ADAMTS3: variants seen among roughly 807,000 people sequenced by gnomAD.
ADAMTS3 encodes A disintegrin and metalloproteinase with thrombospondin motifs 3.
Under a neutral mutation model 129.0 loss-of-function variants are expected in ADAMTS3, and 73 were observed. The observed-to-expected ratio is 0.57, with a 90% CI of 0.47 to 0.69. The LOEUF (loss-of-function observed/expected upper bound fraction) is 0.69. ADAMTS3 is among the 30% of genes least tolerant of loss of function. ADAMTS3 has a pLI of 0.00. For missense variants in ADAMTS3, 1,457 were observed against 1,514.5 expected, an observed-to-expected ratio of 0.96 and a Z score of 0.63; for synonymous variants, 477 against 510.8, an observed-to-expected ratio of 0.93 and a Z score of 0.89.
At chr4:72,402,114 T>C (rs1375759331) in intron 4 of ADAMTS3, among the ~76,000 whole-genome samples, 1 of 152,182 alleles carries the variant, frequency 6.6e-6, no homozygotes, top group East Asian at 1.9e-4. Context: ...ATTAGTTAGT[T>C]CTCTAAACTT....
intron 3 of ADAMTS3, among the ~76,000 whole-genome samples, chr4:72,514,420 A>G (rs1720398808): frequency 6.6e-6 from 1 of 152,154 alleles, no homozygotes; most frequent in Non-Finnish European, 1.5e-5. Context: ...AACCATGAAA[A>G]ACAAACATTA....
At chr4:72,292,192 C>T (rs1285899070) in intron 19 of ADAMTS3, among the ~76,000 whole-genome samples, 1 of 152,194 alleles carries the variant, frequency 6.6e-6, no homozygotes, top group Non-Finnish European at 1.5e-5. Context: ...TGGTTTCCTT[C>T]TCTCTTGGTC....
At chr4:72,538,095 A>T (rs566424798) in intron 3 of ADAMTS3, among the ~76,000 whole-genome samples, 1 of 152,328 alleles carries the variant, frequency 6.6e-6, no homozygotes, top group East Asian at 1.9e-4. Flanking sequence ...AGTCTGAGAA[A>T]GAAAAAAGAT....
chr4:72,452,329 T>C (rs1718428495), intron 3 of ADAMTS3, among the ~76,000 whole-genome samples: 1 of 151,162 alleles, frequency 6.6e-6, no homozygotes, highest in Non-Finnish European at 1.5e-5. Flanking sequence ...ATATAATAAG[T>C]ATAGTTGGGA....
At chr4:72,446,808 T>A (rs1324525126) in intron 3 of ADAMTS3, among the ~76,000 whole-genome samples, 3 of 151,682 alleles carry the variant, frequency 2.0e-5, no homozygotes, top group Admixed American at 6.6e-5. Context: ...AAGGTTGAAC[T>A]AGTGAATCTA....
chr4:72,517,794 G>T (rs1243381060), intron 3 of ADAMTS3, among the ~76,000 whole-genome samples: 7 of 151,716 alleles, frequency 4.6e-5, no homozygotes, highest in African/African-American at 1.7e-4. Flanking sequence ...CCAGCTCCTG[G>T]ATTCATTGAT....
intron 3 of ADAMTS3, among the ~76,000 whole-genome samples, chr4:72,423,547 T>C (rs1426798464): frequency 7.9e-5 from 12 of 152,142 alleles, no homozygotes; most frequent in Admixed American, 7.9e-4. Flanking sequence ...CAGATTTTTT[T>C]TTCTTTTTTT....
intron 3 of ADAMTS3, among the ~76,000 whole-genome samples, chr4:72,529,993 A>AT (rs1384979375): frequency 2.5e-5 from 1 of 39,380 alleles, no homozygotes; most frequent in Non-Finnish European, 4.0e-5. Flanking sequence ...AATATATTAT[A>AT]TTTATATATA....
chr4:72,400,269 T>C (rs1248353393), intron 4 of ADAMTS3, among the ~76,000 whole-genome samples: 2 of 147,926 alleles, frequency 1.4e-5, no homozygotes, highest in African/African-American at 5.0e-5. Flanking sequence ...CGTGTGTATA[T>C]ATGCACACAT....
At chr4:72,513,411 G>A (rs1472477308) in intron 3 of ADAMTS3, among the ~76,000 whole-genome samples, 1 of 151,934 alleles carries the variant, frequency 6.6e-6, no homozygotes, top group African/African-American at 2.4e-5. Context: ...TCTTTATACT[G>A]TCTATTATCT....
chr4:72,468,656 T>C (rs2109991171), intron 3 of ADAMTS3, among the ~76,000 whole-genome samples: 2 of 152,148 alleles, frequency 1.3e-5, no homozygotes, highest in South Asian at 4.1e-4. Context: ...ACTTAAGTAA[T>C]GTCTTAGGTA....
At chr4:72,376,600 C>G (rs1721138861) in intron 4 of ADAMTS3, among the ~76,000 whole-genome samples, 1 of 152,012 alleles carries the variant, frequency 6.6e-6, no homozygotes, top group Non-Finnish European at 1.5e-5. Context: ...TCCCAGCAAC[C>G]CCCAGAGTTT....
chr4:72,374,196 T>C (rs1721083380), intron 4 of ADAMTS3, among the ~76,000 whole-genome samples: 1 of 152,030 alleles, frequency 6.6e-6, no homozygotes, highest in African/African-American at 2.4e-5. Context: ...ACTCATTCTA[T>C]AGCTTTTTTT....
intron 3 of ADAMTS3, among the ~76,000 whole-genome samples, chr4:72,511,418 A>G (rs907813779): frequency 3.9e-5 from 6 of 152,200 alleles, no homozygotes; most frequent in African/African-American, 7.2e-5. Context: ...TCTACAGGGG[A>G]AAAAAATCTA....
intron 4 of ADAMTS3, among the ~76,000 whole-genome samples, chr4:72,384,009 C>A (rs1332712774): frequency 6.6e-6 from 1 of 150,664 alleles, no homozygotes; most frequent in African/African-American, 2.5e-5. Flanking sequence ...ACTAATAATA[C>A]AATAAATATA....
chr4:72,553,902 T>C (rs1721702484), intron 2 of ADAMTS3, among the ~76,000 whole-genome samples: 2 of 152,176 alleles, frequency 1.3e-5, no homozygotes, highest in African/African-American at 2.4e-5. Flanking sequence ...CCTACATCTT[T>C]AGTTTTTCTA....
intron 3 of ADAMTS3, among the ~76,000 whole-genome samples, chr4:72,526,358 G>A (rs1279687205): frequency 6.6e-6 from 1 of 151,852 alleles, no homozygotes; most frequent in Non-Finnish European, 1.5e-5. Context: ...CTAAAGTTAG[G>A]GTACCCAAAT....
At chr4:72,339,460 G>T in intron 5 of ADAMTS3, 34 bp downstream of exon 5, 2 of 1,602,876 alleles carry the variant, frequency 1.2e-6, no homozygotes, top group Non-Finnish European at 8.5e-7. Context: ...TGAATTAAAA[G>T]ATCAAAAAGC....
rs578241445 is a variant in ADAMTS3 at position 72,305,863 on chromosome 4, CATGT to C, written c.2260+120_2260+123del. On this transcript the variant is annotated intron_variant, in intron 16 of 21. Coordinates refer to ENST00000286657, the MANE Select transcript of ADAMTS3 (RefSeq NM_014243.3). ...ACATGTACGTACATATACGTATGCA[CATGT>C]ATGTACATATACGTATGCACATATA... The C allele has an allele frequency of 6.9e-4, 553 of 800,820 alleles. 12 individuals carry two copies. The South Asian group carries it at 8.4e-3, about 12-fold the overall frequency. The allele number at this position is 800,820 out of a possible 1,614,324, so 49.6% of individuals were successfully genotyped here. A position where few individuals can be genotyped will look rare whatever the true frequency, so the allele number is the denominator to read the frequency against.
Sources: allele counts gnomAD v4.1 joint callset (sites outside exome capture counted in the v4.1 genomes callset), GRCh38; gene constraint gnomAD v4.1.1; transcripts MANE v1.5; gene names NCBI Gene and HGNC (gene_info 2026-07-23, HGNC 2026-07-21).